The following MAGI3 variants were observed in gnomAD, a reference collection of about 807,000 sequenced individuals.
MAGI3 encodes the protein membrane associated guanylate kinase, WW and PDZ domain containing 3, also known as membrane-associated guanylate kinase, WW and PDZ domain-containing protein 3.
MAGI3 carries 43 observed loss-of-function variants against 121.8 expected under a neutral mutation model. The ratio of observed to expected loss-of-function variants is 0.35; its 90% CI spans 0.28 to 0.46. The LOEUF is 0.46. Ranked by LOEUF, MAGI3 falls within the 20% of genes least tolerant of loss-of-function variation. The pLI is 1.00. For missense variants in MAGI3, 1,547 were observed against 1,797.3 expected (o/e 0.86, Z 2.52); for synonymous variants, 553 against 639.3 (o/e 0.86, Z 2.04).
intron 1 of MAGI3, among the ~76,000 whole-genome samples, chr1:113,512,584 G>T (rs931770657): frequency 2.6e-5 from 4 of 152,174 alleles, no homozygotes; most frequent in African/African-American, 9.7e-5. Flanking sequence ...AGAGTGGTCT[G>T]CTGACTGATG....
chr1:113,597,166 C>T (rs1348370564), intron 6 of MAGI3, among the ~76,000 whole-genome samples: 1 of 152,108 alleles, frequency 6.6e-6, no homozygotes, highest in East Asian at 1.9e-4. Context: ...ACTATACATG[C>T]TATATGTATG....
chr1:113,600,701 C>G (rs1402772971), intron 6 of MAGI3, among the ~76,000 whole-genome samples: 3 of 152,164 alleles, frequency 2.0e-5, no homozygotes, highest in Non-Finnish European at 4.4e-5. Context: ...TGACTTTCTT[C>G]ACAGAATTGG....
intron 1 of MAGI3, among the ~76,000 whole-genome samples, chr1:113,467,285 A>G (rs1655334235): frequency 6.6e-6 from 1 of 151,834 alleles, no homozygotes; most frequent in African/African-American, 2.4e-5. Context: ...TTTTAGTTTT[A>G]TTACATTGTG....
At chr1:113,660,133 AGG>A (rs1424857242) in intron 16 of MAGI3, among the ~76,000 whole-genome samples, 1 of 152,000 alleles carries the variant, frequency 6.6e-6, no homozygotes, top group African/African-American at 2.4e-5. Flanking sequence ...TTTATTTCTA[AGG>A]TATTACATAA....
intron 20 of MAGI3, 199 bp from the exon 21 acceptor site, chr1:113,682,698 C>T: frequency 1.0e-6 from 1 of 979,054 alleles, no homozygotes; most frequent in Non-Finnish European, 1.2e-6. Flanking sequence ...ATATAAACAA[C>T]CCATCCTTCA....
intron 9 of MAGI3, among the ~76,000 whole-genome samples, chr1:113,637,459 T>C (rs901137673): frequency 1.3e-5 from 2 of 152,224 alleles, no homozygotes; most frequent in Admixed American, 1.3e-4. Context: ...TGCTTGTCTG[T>C]AAAGGATTTT....
chr1:113,408,774 A>T (rs1160897913), intron 1 of MAGI3, among the ~76,000 whole-genome samples: 1 of 152,058 alleles, frequency 6.6e-6, no homozygotes, highest in African/African-American at 2.4e-5. Context: ...TCCCATTAGT[A>T]CCTAATATGA....
intron 1 of MAGI3, among the ~76,000 whole-genome samples, chr1:113,464,874 G>A (rs549018763): frequency 1.1e-4 from 16 of 151,916 alleles, no homozygotes; most frequent in Admixed American, 2.6e-4. Context: ...TGTTGTTTGC[G>A]CTCCATAAAT....
At chr1:113,437,876 T>TTCTTCTTCTTCTTCTTCC (rs1653688447) in intron 1 of MAGI3, among the ~76,000 whole-genome samples, 2 of 3,276 alleles carry the variant, frequency 6.1e-4, no homozygotes, top group African/African-American at 1.3e-3. Flanking sequence ...CTTCTTCTTC[T>TTCTTCTTCTTCTTCTTCC]TCTCCTTCTC....
At chr1:113,585,092 C>T (rs72687993) in intron 3 of MAGI3, among the ~76,000 whole-genome samples, 10,029 of 150,658 alleles carry the variant, frequency 0.067, 470 homozygotes, top group Middle Eastern at 0.16. Flanking sequence ...CTCAGTCTCC[C>T]GAGTAACTGG....
At chr1:113,603,644 CAA>C (rs1649548346) in intron 6 of MAGI3, among the ~76,000 whole-genome samples, 1 of 152,006 alleles carries the variant, frequency 6.6e-6, no homozygotes, top group Admixed American at 6.6e-5. Context: ...CCTAATTAAA[CAA>C]AAAAGCTTCT....
chr1:113,564,244 A>G (rs891759257), intron 2 of MAGI3, among the ~76,000 whole-genome samples: 1 of 152,222 alleles, frequency 6.6e-6, no homozygotes, highest in Admixed American at 6.5e-5. Context: ...TCTTCCAATG[A>G]GAGGTGGGAT....
At chr1:113,480,651 C>A (rs1244633445) in intron 1 of MAGI3, among the ~76,000 whole-genome samples, 2 of 152,206 alleles carry the variant, frequency 1.3e-5, no homozygotes, top group Non-Finnish European at 2.9e-5. Context: ...ATGAATGATA[C>A]AGGTAATGTG....
At chr1:113,492,168 C>T (rs996314394) in intron 1 of MAGI3, among the ~76,000 whole-genome samples, 3 of 152,164 alleles carry the variant, frequency 2.0e-5, no homozygotes, top group Non-Finnish European at 4.4e-5. Flanking sequence ...AGCTTATCCA[C>T]CATGATCAAG....
intron 1 of MAGI3, among the ~76,000 whole-genome samples, chr1:113,479,319 G>T (rs969302166): frequency 2.6e-5 from 4 of 152,056 alleles, no homozygotes; most frequent in African/African-American, 9.7e-5. Flanking sequence ...GAAATCACCC[G>T]TCTTCTGCGT....
At chr1:113,427,957 A>G (rs1653096052) in intron 1 of MAGI3, among the ~76,000 whole-genome samples, 1 of 152,214 alleles carries the variant, frequency 6.6e-6, no homozygotes, top group Non-Finnish European at 1.5e-5. Flanking sequence ...ACATATTAAC[A>G]GGAAAGCAAT....
intron 1 of MAGI3, among the ~76,000 whole-genome samples, chr1:113,541,225 T>TA (rs1201889088): frequency 3.3e-5 from 5 of 152,168 alleles, no homozygotes; most frequent in Non-Finnish European, 7.4e-5. Flanking sequence ...ATCTGACCAA[T>TA]ACATTTGTGA....
chr1:113,398,686 A>G (rs1651244590), intron 1 of MAGI3, among the ~76,000 whole-genome samples: 1 of 152,136 alleles, frequency 6.6e-6, no homozygotes, highest in South Asian at 2.1e-4. Flanking sequence ...TATGAAAGGA[A>G]AATATCCTAC....
At chr1:113,610,932 C>CA (rs948625327) in intron 6 of MAGI3, among the ~76,000 whole-genome samples, 12 of 148,574 alleles carry the variant, frequency 8.1e-5, no homozygotes, top group South Asian at 4.3e-4. Flanking sequence ...GACTCCATCT[C>CA]AAAAAAAAAT....
Sources: allele counts gnomAD v4.1 joint callset (sites outside exome capture counted in the v4.1 genomes callset), GRCh38; gene constraint gnomAD v4.1.1; transcripts MANE v1.5; gene names NCBI Gene and HGNC (gene_info 2026-07-23, HGNC 2026-07-21).